The following FDFT1 variants were observed in gnomAD, a reference collection of about 807,000 sequenced individuals.
FDFT1 encodes farnesyl-diphosphate farnesyltransferase 1, also known as squalene synthase.
Under a neutral mutation model 46.8 loss-of-function variants are expected in FDFT1, and 68 were observed. The observed-to-expected ratio is 1.45, with a 90% confidence interval of 1.19 to 1.78. The LOEUF (loss-of-function observed/expected upper bound fraction) is 1.78, where lower values mean the gene tolerates loss of function less well. Among genes scored for constraint, FDFT1 ranks in the 40% most tolerant of loss-of-function variants. FDFT1 has a pLI of 0.00. For synonymous variants in FDFT1, 351 were observed against 185.1 expected (o/e 1.90, Z -7.28); for missense variants, 928 against 524.4 (o/e 1.77, Z -7.52).
intron 1 of FDFT1, among the ~76,000 whole-genome samples, chr8:11,804,541 A>G (rs1806561180): frequency 6.6e-6 from 1 of 151,526 alleles, no homozygotes; most frequent in African/African-American, 2.4e-5. Flanking sequence ...TGAACCTTTA[A>G]TTAGGGGAAA....
rs112955879 is a variant in FDFT1 at position 11,813,618 on chromosome 8, A to G, written c.381+3768A>G. ...GTCACTCGCATACTTTACTACCTCT[A>G]AGGTTTCTAATCAGAGGAATTTGTA... On this transcript the variant is annotated intron_variant, in intron 3 of 7. Coordinates refer to ENST00000220584, the MANE Select transcript of FDFT1 (RefSeq NM_004462.5). 3.1e-3 allele frequency among the ~76,000 whole-genome samples: 471 copies of G among 152,244 alleles called. 4 individuals are homozygous for G. The highest frequency in any genetic ancestry group is 9.9e-3 in the African/African-American group (411 of 41,538).
At chr8:11,828,155 G>A (rs76573693) in intron 5 of FDFT1, among the ~76,000 whole-genome samples, 20,333 of 151,996 alleles carry the variant, frequency 0.13, 1,477 homozygotes, top group Middle Eastern at 0.16. Context: ...GGGTATAGTG[G>A]CACACCCCTA....
Position 11,831,594 on chromosome 8 carries a change from G to T in FDFT1, c.956G>T (p.Gly319Val). The T allele has an allele frequency of 6.2e-7, 1 of 1,614,062 alleles. No individual in the cohort carries two copies. The highest frequency in any genetic ancestry group is 8.5e-7 in the Non-Finnish European group (1 of 1,179,926). Residue 319 changes from glycine (G) to valine (V), a missense_variant, in exon 7 of 8, where the codon GGG becomes GTG. By Grantham distance (109) the Gly-to-Val change is moderately radical (BLOSUM62 -3). Coordinates refer to ENST00000220584, the MANE Select transcript of FDFT1 (RefSeq NM_004462.5). ...AAAGGGGCAGTGAAGATTCGGAAAG[G>T]GCAAGCAGTGACCCTGATGATGGAT... ...VFKGAVKIRK[G>V]QAVTLMMDAT...
chr8:11,803,736 C>G (rs923068136), intron 1 of FDFT1: 2 of 198,860 alleles, frequency 1.0e-5, no homozygotes, highest in Non-Finnish European at 2.1e-5. Flanking sequence ...TGACTCAGGC[C>G]GAGGCTTGAT....
chr8:11,821,695 G>T, intron 3 of FDFT1, 55 bp from the exon 4 acceptor site: 5 of 1,593,238 alleles, frequency 3.1e-6, no homozygotes, highest in Non-Finnish European at 4.3e-6. Context: ...GTGATCTTTG[G>T]TGCCATGTCT....
intron 7 of FDFT1, among the ~76,000 whole-genome samples, chr8:11,833,374 C>G (rs774329812): frequency 1.1e-4 from 17 of 152,336 alleles, no homozygotes; most frequent in Non-Finnish European, 2.4e-4. Flanking sequence ...AGGGGTTCAA[C>G]TACCCTTTCT....
chr8:11,821,769 A>G lies in FDFT1; in HGVS notation c.401A>G (p.Asn134Ser). 1 of 1,613,504 alleles carries G rather than the reference A, an allele frequency of 6.2e-7. No homozygotes were observed. The highest frequency in any genetic ancestry group is 8.5e-7 in the Non-Finnish European group (1 of 1,179,550). Residue 134 changes from asparagine (N) to serine (S), a missense_variant, in exon 4 of 8, where the codon AAT becomes AGT. Physicochemically the swap from Asn to Ser is conservative, Grantham distance 46. Coordinates refer to ENST00000220584, the MANE Select transcript of FDFT1 (RefSeq NM_004462.5). Reference sequence around the variant, plus strand: ...TTTCAGATCTCCCTTGAGTTTAGAAATCTGGCTGAGAAATACCAAACAGTG... The same window carrying G: ...TTTCAGATCTCCCTTGAGTTTAGAAGTCTGGCTGAGAAATACCAAACAGTG... ...DFPTISLEFR[N>S]LAEKYQTVIA...
At chr8:11,797,035 AGGGT>A (rs1386104987) in intron 1 of FDFT1, among the ~76,000 whole-genome samples, 1 of 152,234 alleles carries the variant, frequency 6.6e-6, no homozygotes. Context: ...CTGTAGGAAA[AGGGT>A]AGTAACTTCT....
At chr8:11,804,348 G>C (rs1806530436) in intron 1 of FDFT1, among the ~76,000 whole-genome samples, 1 of 152,202 alleles carries the variant, frequency 6.6e-6, no homozygotes, top group African/African-American at 2.4e-5. Flanking sequence ...GGGAGGGAAA[G>C]TGGGTGGTCA....
chr8:11,824,437 G>A (rs1809681821), intron 4 of FDFT1, among the ~76,000 whole-genome samples: 2 of 152,196 alleles, frequency 1.3e-5, no homozygotes. Context: ...TAGCAAAGTT[G>A]TTAAAGCCTG....
intron 1 of FDFT1, among the ~76,000 whole-genome samples, chr8:11,806,098 C>G (rs1806791293): frequency 6.6e-6 from 1 of 152,160 alleles, no homozygotes; most frequent in African/African-American, 2.4e-5. Context: ...TAGCTGGTAG[C>G]TGTTCACTTG....
At chr8:11,825,146 A>G (rs1029899192) in intron 4 of FDFT1, among the ~76,000 whole-genome samples, 4 of 152,340 alleles carry the variant, frequency 2.6e-5, no homozygotes, top group East Asian at 1.9e-4. Flanking sequence ...AGATTGGTCA[A>G]AAAAAGATTA....
intron 3 of FDFT1, among the ~76,000 whole-genome samples, chr8:11,814,126 G>A (rs1808114238): frequency 6.6e-6 from 1 of 152,140 alleles, no homozygotes; most frequent in South Asian, 2.1e-4. Context: ...TCTAACCAAG[G>A]ATCTGTGGAA....
intron 3 of FDFT1, among the ~76,000 whole-genome samples, chr8:11,810,933 T>TAAAAAAAAAAAA (rs71539744): frequency 2.2e-5 from 2 of 89,448 alleles, no homozygotes; most frequent in Non-Finnish European, 4.3e-5. Context: ...GAGCAATATT[T>TAAAAAAAAAAAA]AAAAAAAAAA....
At chr8:11,815,259 C>G (rs1372700099) in intron 3 of FDFT1, among the ~76,000 whole-genome samples, 1 of 152,118 alleles carries the variant, frequency 6.6e-6, no homozygotes, top group Non-Finnish European at 1.5e-5. Context: ...TTTCTTTATT[C>G]AGTCTATTAT....
chr8:11,826,360 CAT>C (rs1809991705), intron 5 of FDFT1, 145 bp downstream of exon 5: 2 of 531,910 alleles, frequency 3.8e-6, no homozygotes, highest in Admixed American at 6.6e-5. Flanking sequence ...GATAGCTTGA[CAT>C]GAGTTTGCTT....
chr8:11,805,568 C>T (rs1563295506), intron 1 of FDFT1, among the ~76,000 whole-genome samples: 1 of 152,204 alleles, frequency 6.6e-6, no homozygotes, highest in African/African-American at 2.4e-5. Context: ...CTCTGAACCA[C>T]AGTTACTTCA....
At chr8:11,836,143 A>G (rs1331109009) in intron 7 of FDFT1, among the ~76,000 whole-genome samples, 1 of 104,734 alleles carries the variant, frequency 9.5e-6, no homozygotes, top group Admixed American at 1.1e-4. Flanking sequence ...ACAGAGCGAG[A>G]CACCATCTTA....
At chr8:11,809,263 A>C in intron 2 of FDFT1, 1 of 1,115,668 alleles carries the variant, frequency 9.0e-7, no homozygotes. Context: ...TGTGCACATT[A>C]CACCCATGAA....
Sources: allele counts gnomAD v4.1 joint callset (sites outside exome capture counted in the v4.1 genomes callset), GRCh38; gene constraint gnomAD v4.1.1; transcripts MANE v1.5; gene names NCBI Gene and HGNC (gene_info 2026-07-23, HGNC 2026-07-21).